The following CSMD2 variants were observed in gnomAD, a reference collection of about 807,000 sequenced individuals.
CSMD2 encodes CUB and Sushi multiple domains 2, also known as CUB and sushi domain-containing protein 2.
CSMD2 carries 130 observed loss-of-function variants against 398.5 expected under a neutral mutation model. The observed-to-expected ratio is 0.33, with a 90% confidence interval of 0.28 to 0.38. CSMD2 has a LOEUF of 0.38. Among genes scored for constraint, CSMD2 ranks in the 10% least tolerant of loss-of-function variants. CSMD2 has a pLI of 1.00. For missense variants in CSMD2, 3,829 were observed against 4,764.9 expected (o/e 0.80, Z 5.78); for synonymous variants, 1,828 against 1,908.5 (o/e 0.96, Z 1.10).
intron 5 of CSMD2, among the ~76,000 whole-genome samples, chr1:33,914,631 A>G (rs148287657): frequency 1.4e-3 from 208 of 152,330 alleles, no homozygotes; most frequent in African/African-American, 4.9e-3. Flanking sequence ...CCACAGTAAC[A>G]GCTTTTTCCT....
chr1:33,829,963 C>G (rs1659314751), intron 6 of CSMD2, among the ~76,000 whole-genome samples: 1 of 152,236 alleles, frequency 6.6e-6, no homozygotes, highest in Non-Finnish European at 1.5e-5. Flanking sequence ...GGGAGGGGCG[C>G]CCGCCATTGC....
At chr1:33,603,197 C>A (rs1640346252) in intron 42 of CSMD2, among the ~76,000 whole-genome samples, 1 of 152,122 alleles carries the variant, frequency 6.6e-6, no homozygotes, top group Non-Finnish European at 1.5e-5. Context: ...TCAGCCCAGG[C>A]CCTGGAAGAG....
At chr1:33,866,718 C>T (rs1264910251) in intron 5 of CSMD2, among the ~76,000 whole-genome samples, 1 of 152,186 alleles carries the variant, frequency 6.6e-6, no homozygotes. Context: ...TCCCTGGGGC[C>T]CTTGCTCCTT....
chr1:33,610,402 C>G (rs1217723634), intron 41 of CSMD2, among the ~76,000 whole-genome samples: 1 of 152,164 alleles, frequency 6.6e-6, no homozygotes, highest in Non-Finnish European at 1.5e-5. Context: ...TACAGCTGCA[C>G]AGGTTGGGCA....
intron 33 of CSMD2, among the ~76,000 whole-genome samples, chr1:33,626,090 C>T (rs72662038): frequency 0.031 from 4,762 of 152,276 alleles, 106 homozygotes; most frequent in Non-Finnish European, 0.045. Flanking sequence ...TCGATGTCCA[C>T]GGCACTTCAA....
rs1331595469 is a variant in CSMD2 at position 33,684,029 on chromosome 1, C to T, written c.4052+8901G>A. Among the ~76,000 whole-genome samples the T allele has an allele frequency of 2.0e-5, 3 of 152,236 alleles. No individual in the cohort carries two copies. In the East Asian group the frequency reaches 5.8e-4, roughly 29 times the overall value. On this transcript the variant is annotated intron_variant, in intron 25 of 70. Transcript: ENST00000373381. ...GCTTCACTTCTGGTGCCTTCTGCCT[C>T]CTCTGGGCCAGCTGCCCACTTGCTG...
intron 15 of CSMD2, among the ~76,000 whole-genome samples, chr1:33,733,200 T>G (rs1646776850): frequency 2.0e-5 from 3 of 152,124 alleles, no homozygotes; most frequent in African/African-American, 7.2e-5. Context: ...CTGACCAGAG[T>G]GCCTCTGGAG....
intron 13 of CSMD2, among the ~76,000 whole-genome samples, chr1:33,744,753 G>A (rs1412378754): frequency 6.6e-6 from 1 of 151,822 alleles, no homozygotes; most frequent in Non-Finnish European, 1.5e-5. Flanking sequence ...TCATATGAAA[G>A]AAAATAGAAT....
At chr1:34,018,523 G>A (rs1431784555) in intron 3 of CSMD2, among the ~76,000 whole-genome samples, 1 of 152,206 alleles carries the variant, frequency 6.6e-6, no homozygotes, top group Non-Finnish European at 1.5e-5. Flanking sequence ...GTGCGAGTGT[G>A]TCTGTGTCTT....
chr1:33,773,172 T>A lies in CSMD2; in HGVS notation c.1664-421A>T, dbSNP rs74069183. Among the ~76,000 whole-genome samples the A allele has an allele frequency of 2.5e-3, 388 of 152,300 alleles. 2 individuals carry two copies. Among genetic ancestry groups the A allele is most frequent in the African/African-American group, 9.2e-3 (381 of 41,552 alleles). On this transcript the variant is annotated intron_variant, in intron 12 of 70. Transcript: ENST00000373381. ...GGAGACTTCCTCACTGAACCTGACCTTGCATCTGAACTGCTAATGTCACGA... is the reference window on the plus strand; with the variant it reads ...GGAGACTTCCTCACTGAACCTGACCATGCATCTGAACTGCTAATGTCACGA...
chr1:33,739,808 T>G (rs1053966067), intron 14 of CSMD2, among the ~76,000 whole-genome samples: 2 of 152,094 alleles, frequency 1.3e-5, no homozygotes. Flanking sequence ...GCTAATAGAC[T>G]CTAAGCATCA....
At chr1:33,772,825 G>A in intron 12 of CSMD2, 74 bp from the exon 13 acceptor site, 1 of 1,287,390 alleles carries the variant, frequency 7.8e-7, no homozygotes, top group Non-Finnish European at 1.1e-6. Context: ...AGGTCCACAT[G>A]ACAAGCTCTA....
Position 33,525,979 on chromosome 1 carries a change from C to T in CSMD2, c.10235-936G>A, listed in dbSNP as rs563910962. ...GATTACAGGTGTGAGCCACCACACCCGGCCAAAAGAGTAGATTTTAAATGT... is the reference window on the plus strand; with the variant it reads ...GATTACAGGTGTGAGCCACCACACCTGGCCAAAAGAGTAGATTTTAAATGT... On this transcript the variant is annotated intron_variant, in intron 65 of 70. Transcript: ENST00000373381. Among the ~76,000 whole-genome samples the T allele has an allele frequency of 1.1e-4, 16 of 152,086 alleles. 1 individual carries two copies. Among genetic ancestry groups the T allele is most frequent in the East Asian group, 5.8e-4 (3 of 5,172 alleles).
At chr1:33,900,942 A>G (rs1198189261) in intron 5 of CSMD2, among the ~76,000 whole-genome samples, 3 of 152,250 alleles carry the variant, frequency 2.0e-5, no homozygotes, top group Non-Finnish European at 4.4e-5. Context: ...AGATTGCATC[A>G]AAGCCTACTT....
chr1:33,657,826 CT>C, intron 27 of CSMD2, 119 bp downstream of exon 27: 1 of 996,638 alleles, frequency 1.0e-6, no homozygotes, highest in South Asian at 1.6e-5. Flanking sequence ...TTTTCTGCAA[CT>C]TTTGTCTGTT....
intron 25 of CSMD2, among the ~76,000 whole-genome samples, chr1:33,685,387 T>G (rs982366940): frequency 6.6e-6 from 1 of 152,232 alleles, no homozygotes; most frequent in African/African-American, 2.4e-5. Context: ...ACTGAGACCT[T>G]CAAGGGGAAA....
chr1:34,154,184 C>T (rs955919786), intron 1 of CSMD2, among the ~76,000 whole-genome samples: 8 of 152,240 alleles, frequency 5.3e-5, no homozygotes, highest in Non-Finnish European at 8.8e-5. Context: ...ATTAATACAA[C>T]GAGATGGCAC....
intron 49 of CSMD2, among the ~76,000 whole-genome samples, chr1:33,574,007 G>A (rs899406460): frequency 2.6e-5 from 4 of 152,188 alleles, no homozygotes. Context: ...ATGGAACAAA[G>A]CTTTAAACCT....
intron 24 of CSMD2, 27 bp downstream of exon 24, chr1:33,698,726 T>C: frequency 1.3e-6 from 2 of 1,594,508 alleles, no homozygotes; most frequent in Non-Finnish European, 1.7e-6. Flanking sequence ...GACCCAAGGG[T>C]TCCCTGCAGA....
Sources: gnomAD v4.1 joint callset for allele counts (sites outside exome capture counted in the v4.1 genomes callset) on GRCh38, gnomAD v4.1.1 for gene constraint, MANE v1.5 for transcripts, NCBI Gene and HGNC (gene_info 2026-07-23, HGNC 2026-07-21) for gene names.